The following TMEM117 variants were observed in gnomAD, a reference collection of about 807,000 sequenced individuals.
TMEM117 encodes the protein transmembrane protein 117.
Under a neutral mutation model 52.4 loss-of-function variants are expected in TMEM117, and 27 were observed. That is an observed-to-expected ratio of 0.51 (90% CI 0.38 to 0.71). TMEM117 has a LOEUF of 0.71. Among genes scored for constraint, TMEM117 ranks in the 30% least tolerant of loss-of-function variants. The probability of loss-of-function intolerance (pLI) is 0.00; values close to 1 mark genes in which losing one functional copy is unlikely to be tolerated. For missense variants in TMEM117, 556 were observed against 630.5 expected, an observed-to-expected ratio of 0.88 and a Z score of 1.26; for synonymous variants, 215 against 206.3, an observed-to-expected ratio of 1.04 and a Z score of -0.36.
chr12:43,951,451 CA>C (rs1404186694), intron 3 of TMEM117, among the ~76,000 whole-genome samples: 1 of 152,124 alleles, frequency 6.6e-6, no homozygotes, highest in Non-Finnish European at 1.5e-5. Context: ...ATCAAGTTGC[CA>C]GGGGGAGGGG....
intron 3 of TMEM117, among the ~76,000 whole-genome samples, chr12:44,094,669 G>A (rs1947727879): frequency 6.6e-6 from 1 of 152,010 alleles, no homozygotes; most frequent in Non-Finnish European, 1.5e-5. Flanking sequence ...CTAGTATGAA[G>A]ATAGGAATTC....
intron 4 of TMEM117, among the ~76,000 whole-genome samples, chr12:44,181,979 C>T (rs1949207155): frequency 6.6e-6 from 1 of 152,062 alleles, no homozygotes; most frequent in South Asian, 2.1e-4. Context: ...ATTCTTCCTA[C>T]CCATGAGCAT....
chr12:44,343,919 G>A (rs1196701320), intron 6 of TMEM117, among the ~76,000 whole-genome samples: 10 of 152,060 alleles, frequency 6.6e-5, no homozygotes, highest in Non-Finnish European at 1.5e-5. Flanking sequence ...CACTGAAGTG[G>A]ACCATGATGT....
intron 5 of TMEM117, among the ~76,000 whole-genome samples, chr12:44,246,738 A>T (rs1038844697): frequency 1.3e-5 from 2 of 152,220 alleles, no homozygotes; most frequent in Non-Finnish European, 2.9e-5. Flanking sequence ...GAATGGAAAT[A>T]ATGCCTGGAA....
Position 44,358,841 on chromosome 12 carries a change from A to G in TMEM117, c.769-17754A>G, listed in dbSNP as rs561868844. Among the ~76,000 whole-genome samples the G allele has an allele frequency of 2.4e-4, 36 of 152,246 alleles. No individual in the cohort carries two copies. In the South Asian group the frequency reaches 7.3e-3, roughly 31 times the overall value. On this transcript the variant is annotated intron_variant, in intron 6 of 7. Coordinates refer to ENST00000266534, the MANE Select transcript of TMEM117 (RefSeq NM_032256.3). ...TCCTGGGAGTTTGGTGTAAAGGGAC[A>G]TGGCCCAGCCTGCAACTAACTAGGA... is the stretch of plus-strand genomic sequence containing the variant.
chr12:44,070,313 C>T (rs1395559121), intron 3 of TMEM117, among the ~76,000 whole-genome samples: 1 of 152,122 alleles, frequency 6.6e-6, no homozygotes, highest in Non-Finnish European at 1.5e-5. Context: ...TTGTTGAAGG[C>T]AGAAAGGAGG....
At chr12:43,820,355 G>A in the TMEM117 span, among the ~76,000 whole-genome samples, 1 of 151,886 alleles carries the variant, frequency 6.6e-6, no homozygotes, top group African/African-American at 2.4e-5. Flanking sequence ...CTCACTGCAA[G>A]CTCCGCCTCC....
At chr12:44,346,174 A>G (rs1248445075) in intron 6 of TMEM117, among the ~76,000 whole-genome samples, 1 of 152,128 alleles carries the variant, frequency 6.6e-6, no homozygotes, top group Non-Finnish European at 1.5e-5. Context: ...GACTTCTATT[A>G]TTGTATCCAC....
intron 3 of TMEM117, among the ~76,000 whole-genome samples, chr12:44,036,231 A>G (rs1429975340): frequency 6.6e-6 from 1 of 152,328 alleles, no homozygotes; most frequent in South Asian, 2.1e-4. Context: ...TAAAGTAAAT[A>G]TAGAAAGAAG....
chr12:43,800,373 C>A, the TMEM117 span: 2 of 1,233,704 alleles, frequency 1.6e-6, no homozygotes, highest in South Asian at 1.3e-5. Flanking sequence ...TACCCATTAC[C>A]TAGGAGTTCC....
intron 6 of TMEM117, 82 bp from the exon 7 acceptor site, chr12:44,376,513 C>T: frequency 6.6e-7 from 1 of 1,522,260 alleles, no homozygotes; most frequent in Non-Finnish European, 8.9e-7. Context: ...AAAATAAGTG[C>T]TTATAAAAAG....
At chr12:44,179,623 G>T (rs933472837) in intron 4 of TMEM117, among the ~76,000 whole-genome samples, 1 of 152,150 alleles carries the variant, frequency 6.6e-6, no homozygotes, top group Non-Finnish European at 1.5e-5. Context: ...GTTGGATGGT[G>T]CCCACCAATT....
At chr12:44,150,175 A>T (rs1437847396) in intron 4 of TMEM117, among the ~76,000 whole-genome samples, 1 of 152,180 alleles carries the variant, frequency 6.6e-6, no homozygotes, top group East Asian at 1.9e-4. Flanking sequence ...TGGATCAAGC[A>T]TTTAATTAAT....
chr12:43,974,275 T>C (rs1945637034), intron 3 of TMEM117, among the ~76,000 whole-genome samples: 1 of 152,210 alleles, frequency 6.6e-6, no homozygotes, highest in Non-Finnish European at 1.5e-5. Context: ...TGTACTTCTC[T>C]AGTTGAATCC....
At position 44,299,722 on chromosome 12, in the gene TMEM117, C is replaced by A; in HGVS notation, c.751C>A (p.Leu251Ile). The change falls in exon 6 of 8, where the codon CTT becomes ATT. Residue 251 changes from leucine (L) to isoleucine (I), a missense_variant. Coordinates refer to ENST00000266534, the MANE Select transcript of TMEM117 (RefSeq NM_032256.3). Reference protein sequence around the residue: ...FLASFILVFDLLIVMQDWEFP... With the variant: ...FLASFILVFDILIVMQDWEFP... ...TGCTTCTTTTATCTTGGTCTTTGACCTTCTTATTGTGATGCAGGTAAGTGT... is the reference window on the plus strand; with the variant it reads ...TGCTTCTTTTATCTTGGTCTTTGACATTCTTATTGTGATGCAGGTAAGTGT... 1 of 1,614,046 alleles carries A rather than the reference C, an allele frequency of 6.2e-7. No individual in the cohort carries two copies. The highest frequency in any genetic ancestry group is 8.5e-7 in the Non-Finnish European group (1 of 1,180,000).
intron 3 of TMEM117, among the ~76,000 whole-genome samples, chr12:43,985,490 G>A (rs1945833575): frequency 6.6e-6 from 1 of 152,084 alleles, no homozygotes; most frequent in East Asian, 1.9e-4. Flanking sequence ...AATTATTAGT[G>A]AAGAGCATAA....
chr12:44,107,680 C>T (rs1387160201), intron 3 of TMEM117, among the ~76,000 whole-genome samples: 2 of 152,012 alleles, frequency 1.3e-5, no homozygotes, highest in Non-Finnish European at 2.9e-5. Context: ...TTTAATCAGC[C>T]TCCAATTATG....
At chr12:43,861,516 T>C (rs1192656053) in intron 2 of TMEM117, among the ~76,000 whole-genome samples, 2 of 152,250 alleles carry the variant, frequency 1.3e-5, no homozygotes, top group Non-Finnish European at 2.9e-5. Flanking sequence ...TAACAATCTA[T>C]GTTTAAAAGA....
intron 5 of TMEM117, among the ~76,000 whole-genome samples, chr12:44,219,197 T>C (rs1463133585): frequency 6.6e-6 from 1 of 152,200 alleles, no homozygotes; most frequent in Non-Finnish European, 1.5e-5. Flanking sequence ...AATAAGTTAC[T>C]TGTCTAAGCA....
Sources: gnomAD v4.1 joint callset for allele counts (sites outside exome capture counted in the v4.1 genomes callset) on GRCh38, gnomAD v4.1.1 for gene constraint, MANE v1.5 for transcripts, NCBI Gene and HGNC (gene_info 2026-07-23, HGNC 2026-07-21) for gene names.